The following SHISAL1 variants were observed in gnomAD, a reference collection of about 807,000 sequenced individuals.
SHISAL1 encodes the protein protein shisa-like-1.
Under a neutral mutation model 22.6 loss-of-function variants are expected in SHISAL1, and 9 were observed. The observed-to-expected ratio is 0.40, with a 90% CI of 0.24 to 0.70. The LOEUF is 0.70. Among genes scored for constraint, SHISAL1 ranks in the 30% least tolerant of loss-of-function variants. The pLI, the probability that SHISAL1 is intolerant of heterozygous loss-of-function variation, is 0.39. For synonymous variants in SHISAL1, 119 were observed against 115.4 expected, an observed-to-expected ratio of 1.03 and a Z score of -0.20; for missense variants, 246 against 270.6, an observed-to-expected ratio of 0.91 and a Z score of 0.64.
chr22:44,287,170 C>A (rs2055321969), intron 3 of SHISAL1, among the ~76,000 whole-genome samples: 1 of 152,222 alleles, frequency 6.6e-6, no homozygotes, highest in Non-Finnish European at 1.5e-5. Context: ...TGTCTCTGGG[C>A]CTGGAGGAGA....
At chr22:44,280,018 G>A (rs1010716589) in intron 4 of SHISAL1, among the ~76,000 whole-genome samples, 1 of 152,142 alleles carries the variant, frequency 6.6e-6, no homozygotes, top group African/African-American at 2.4e-5. Context: ...GCCTGCGAGG[G>A]CTTGGGGGCT....
At chr22:44,260,035 T>C (rs2055111033) in intron 4 of SHISAL1, among the ~76,000 whole-genome samples, 1 of 152,156 alleles carries the variant, frequency 6.6e-6, no homozygotes, top group African/African-American at 2.4e-5. Flanking sequence ...ACGGTGAGTT[T>C]ACAGCCTAGC....
chr22:44,296,763 T>C lies in SHISAL1; in HGVS notation c.190A>G (p.Asn64Asp). 1 of 1,614,118 alleles carries C rather than the reference T, an allele frequency of 6.2e-7. No individual in the cohort carries two copies. Among genetic ancestry groups the C allele is most frequent in the South Asian group, 1.1e-5 (1 of 91,076 alleles). ...TTGCAGCAGTATTTGAAGACCGTGT[T>C]GTTATGGTGACAACAGAGGATGAAG... ...KTFILCCHHNNTVFKYCCNET... is the reference protein window; with the variant it reads ...KTFILCCHHNDTVFKYCCNET... The change falls in exon 3 of 5, where the codon AAC (asparagine) becomes GAC (aspartate). Residue 64 changes from asparagine (N) to aspartate (D), a missense_variant. By Grantham distance (23) the Asn-to-Asp change is conservative. Transcript: ENST00000381176.
intron 4 of SHISAL1, among the ~76,000 whole-genome samples, chr22:44,255,067 C>A (rs903728419): frequency 5.3e-5 from 8 of 152,152 alleles, no homozygotes; most frequent in Non-Finnish European, 8.8e-5. Flanking sequence ...CTCCTCCCAC[C>A]GCTCCTGCTC....
intron 4 of SHISAL1, among the ~76,000 whole-genome samples, chr22:44,281,307 A>G (rs1021987199): frequency 1.3e-5 from 2 of 152,064 alleles, no homozygotes; most frequent in Admixed American, 1.3e-4. Context: ...GCTGCACACC[A>G]CTGCACAACT....
chr22:44,313,521 C>T (rs906441466), upstream of SHISAL1, among the ~76,000 whole-genome samples: 2 of 152,240 alleles, frequency 1.3e-5, no homozygotes, highest in Non-Finnish European at 2.9e-5. Flanking sequence ...AGGGTCCTCC[C>T]TGCCAGTAGG....
At chr22:44,313,482 A>C (rs986622270), upstream of SHISAL1, among the ~76,000 whole-genome samples, 6 of 151,846 alleles carry the variant, frequency 4.0e-5, no homozygotes, top group African/African-American at 1.2e-4. Flanking sequence ...TTGCCCCCCT[A>C]CCCCTGGCCT....
At position 44,296,690 on chromosome 22, in the gene SHISAL1, G is replaced by T. The variant is rs202097063; in HGVS notation, c.263C>A (p.Ser88Tyr). 5 of 1,613,794 alleles carry T rather than the reference G, an allele frequency of 3.1e-6. No individual in the cohort carries two copies. Among genetic ancestry groups the T allele is most frequent in the Non-Finnish European group, 4.2e-6 (5 of 1,180,026 alleles). Residue 88 changes from serine (S) to tyrosine (Y), a missense_variant, in exon 3 of 5, where the codon TCC (serine) becomes TAC (tyrosine). Coordinates refer to ENST00000381176, the MANE Select transcript of SHISAL1 (RefSeq NM_001099294.2). ...AVMQANLTAS[S>Y]EGYMHNNYTA... Reference sequence around the variant, plus strand: ...CACTCACTTGTGCATGTAACCCTCGGAGCTGGCCGTGAGGTTCGCCTGCAT... The same window carrying T: ...CACTCACTTGTGCATGTAACCCTCGTAGCTGGCCGTGAGGTTCGCCTGCAT...
intron 4 of SHISAL1, among the ~76,000 whole-genome samples, chr22:44,269,423 CACAG>C (rs1473587244): frequency 6.7e-6 from 1 of 149,786 alleles, no homozygotes. Flanking sequence ...CACACCATGC[CACAG>C]ACAGAAGACA....
rs528616923 is a variant in SHISAL1, at chr22:44,296,709, C to T, written c.244G>A (p.Ala82Thr). The change falls in exon 3 of 5, where the codon GCG (alanine) becomes ACG (threonine). Residue 82 changes from alanine (A) to threonine (T), a missense_variant. This residue lies in a region of SHISAL1 where 110 missense variants were observed against 153.1 expected (regional missense o/e 0.72). Transcript: ENST00000381176. ...CCCTCGGAGCTGGCCGTGAGGTTCGCCTGCATCACCGCCTGGAACTCCGTC... is the reference window on the plus strand; with the variant it reads ...CCCTCGGAGCTGGCCGTGAGGTTCGTCTGCATCACCGCCTGGAACTCCGTC... Reference protein sequence around the residue: ...NETEFQAVMQANLTASSEGYM... With the variant: ...NETEFQAVMQTNLTASSEGYM... The T allele has an allele frequency of 1.2e-6, 2 of 1,614,020 alleles. No homozygotes were observed. The highest frequency in any genetic ancestry group is 1.7e-5 in the Admixed American group (1 of 60,036).
intron 4 of SHISAL1, among the ~76,000 whole-genome samples, chr22:44,263,219 C>A (rs2055138496): frequency 6.6e-6 from 1 of 151,778 alleles, no homozygotes; most frequent in African/African-American, 2.4e-5. Context: ...TACAGGCACC[C>A]ACCACCACGC....
intron 1 of SHISAL1, among the ~76,000 whole-genome samples, chr22:44,304,226 T>C (rs933372309): frequency 6.6e-6 from 1 of 152,134 alleles, no homozygotes; most frequent in African/African-American, 2.4e-5. Flanking sequence ...GAGTTAGGGC[T>C]CTGGGCAGGC....
intron 4 of SHISAL1, among the ~76,000 whole-genome samples, chr22:44,277,321 G>A (rs923298684): frequency 6.6e-6 from 1 of 152,216 alleles, no homozygotes; most frequent in African/African-American, 2.4e-5. Flanking sequence ...GTCACCCACT[G>A]TCCTGGTGAG....
chr22:44,296,629 G>A (rs1569222267), intron 3 of SHISAL1, 43 bp downstream of exon 3: 2 of 1,581,562 alleles, frequency 1.3e-6, no homozygotes, highest in East Asian at 2.2e-5. Context: ...CCCCTTGCCT[G>A]GGGCCCGAGG....
At chr22:44,299,706 AGAGACAGAGACAGAGAGATG>A (rs1292761578) in intron 2 of SHISAL1, among the ~76,000 whole-genome samples, 4 of 152,246 alleles carry the variant, frequency 2.6e-5, no homozygotes, top group African/African-American at 9.6e-5. Context: ...AGAGAGACAC[AGAGACAGAGACAGAGAGATG>A]GAGACAGAGA....
chr22:44,266,540 G>A (rs1250963063), intron 4 of SHISAL1, among the ~76,000 whole-genome samples: 3 of 147,188 alleles, frequency 2.0e-5, no homozygotes, highest in Admixed American at 6.7e-5. Flanking sequence ...GTGTGTGTGT[G>A]TGTGTGTGTG....
At chr22:44,250,442 A>G (rs1414616314) in intron 4 of SHISAL1, among the ~76,000 whole-genome samples, 5 of 152,244 alleles carry the variant, frequency 3.3e-5, no homozygotes, top group African/African-American at 7.2e-5. Flanking sequence ...GCACTTACTT[A>G]TAGCTTTGAT....
In SHISAL1 at chr22:44,273,858, A is replaced by C. The variant is rs554231033; in HGVS notation, c.599+11570T>G. The stretch of plus-strand genomic sequence containing the variant: ...GTGCAGTAAAACAAATGGGCAACTC[A>C]CAAGAGAGGAAATACAATTAATTAA... On this transcript the variant is annotated intron_variant, in intron 4 of 4. Coordinates refer to ENST00000381176, the MANE Select transcript of SHISAL1 (RefSeq NM_001099294.2). 5.3e-5 allele frequency among the ~76,000 whole-genome samples: 8 copies of C among 152,320 alleles called. No individual in the cohort carries two copies. The South Asian group carries it at 1.7e-3, about 32-fold the overall frequency.
Position 44,310,277 on chromosome 22 carries a change from G to A in SHISAL1, c.-33+2474C>T, listed in dbSNP as rs1282828782. ...CTTTATAAACATGTGTTAATTGGTT[G>A]AATGAACATAAGCAATGATCATCTC... On this transcript the variant is annotated intron_variant, in intron 1 of 4. Transcript: ENST00000381176. The surrounding 1 kb of genome is among the most constrained non-coding windows in gnomAD (Gnocchi z 4.0). Among the ~76,000 whole-genome samples the A allele has an allele frequency of 6.6e-6, 1 of 152,228 alleles. No individual in the cohort carries two copies. Among genetic ancestry groups the A allele is most frequent in the Non-Finnish European group, 1.5e-5 (1 of 68,044 alleles).
Sources: allele counts gnomAD v4.1 joint callset (sites outside exome capture counted in the v4.1 genomes callset), GRCh38; gene constraint gnomAD v4.1.1; regional missense constraint gnomAD v4.1.1; non-coding constraint Gnocchi (gnomAD v3.1); transcripts MANE v1.5; gene names NCBI Gene and HGNC (gene_info 2026-07-23, HGNC 2026-07-21).